DNAJC1: variants seen among roughly 807,000 people sequenced by gnomAD.
DNAJC1 encodes DnaJ heat shock protein family (Hsp40) member C1, also known as dnaJ homolog subfamily C member 1.
Under a neutral mutation model 76.6 loss-of-function variants are expected in DNAJC1, and 58 were observed. That is an observed-to-expected ratio of 0.76 (90% confidence interval 0.61 to 0.94). The LOEUF is 0.94. DNAJC1 is among the 40% of genes least tolerant of loss of function. DNAJC1 has a pLI of 0.00. For missense variants in DNAJC1, 689 were observed against 677.3 expected (o/e 1.02, Z -0.19); for synonymous variants, 258 against 267.9 (o/e 0.96, Z 0.36).
intron 8 of DNAJC1, among the ~76,000 whole-genome samples, chr10:21,870,951 T>G (rs1039926802): frequency 1.4e-5 from 1 of 70,056 alleles, no homozygotes; most frequent in African/African-American, 4.5e-5. Context: ...TTACCAGTAC[T>G]AGAAGGAACA....
Position 21,756,714 on chromosome 10 carries a change from G to C in DNAJC1, c.1638C>G (p.Val546=). ...IARYKLLVEL[V]QKKKQAKS The stretch of plus-strand genomic sequence containing the variant: ...AGCTTTTAGCTTGTTTTTTCTTTTG[G>C]ACCAGTTCAACCAGCAACTTGTACC... Residue 546 remains valine, a synonymous_variant, in exon 12 of 12, where the codon GTC becomes GTG. Transcript: ENST00000376980. 1.2e-6 allele frequency: 2 copies of C among 1,613,378 alleles called. No homozygotes were observed. The highest frequency in any genetic ancestry group is 1.7e-6 in the Non-Finnish European group (2 of 1,179,734).
intron 1 of DNAJC1, among the ~76,000 whole-genome samples, chr10:21,975,416 A>G (rs1838046495): frequency 6.6e-6 from 1 of 152,296 alleles, no homozygotes; most frequent in South Asian, 2.1e-4. Flanking sequence ...TAGCTGGGGG[A>G]AAAAACATGA....
chr10:21,860,420 C>T lies in DNAJC1; in HGVS notation c.978+21862G>A, dbSNP rs201975780. ...TTAAAACTAGAATTCAGGATGGACGCGGTGGCTCATGCCTGTAATCCCAGC... is the reference window on the plus strand; with the variant it reads ...TTAAAACTAGAATTCAGGATGGACGTGGTGGCTCATGCCTGTAATCCCAGC... On this transcript the variant is annotated intron_variant, in intron 8 of 11. Transcript: ENST00000376980. Among the ~76,000 whole-genome samples the T allele has an allele frequency of 3.9e-5, 6 of 152,066 alleles. No individual in the cohort carries two copies. The East Asian group carries it at 9.7e-4, about 25-fold the overall frequency.
At chr10:22,003,187 C>T (rs1442244314) in intron 1 of DNAJC1, 26 bp downstream of exon 1, 1 of 1,498,776 alleles carries the variant, frequency 6.7e-7, no homozygotes, top group African/African-American at 1.4e-5. Context: ...CCCTCTCCGC[C>T]CGGCCCCGCG....
intron 8 of DNAJC1, among the ~76,000 whole-genome samples, chr10:21,834,223 C>T (rs933957784): frequency 6.6e-6 from 1 of 151,786 alleles, no homozygotes; most frequent in Non-Finnish European, 1.5e-5. Context: ...GAGATCGTGC[C>T]ACTGCACTCC....
intron 1 of DNAJC1, among the ~76,000 whole-genome samples, chr10:22,002,744 T>C (rs1289561499): frequency 6.6e-6 from 1 of 151,608 alleles, no homozygotes; most frequent in Admixed American, 6.6e-5. Flanking sequence ...GGGAGGCAGC[T>C]GAAATAAGAA....
chr10:21,991,636 A>AT (rs1838328023), intron 1 of DNAJC1, among the ~76,000 whole-genome samples: 1 of 152,038 alleles, frequency 6.6e-6, no homozygotes, highest in Admixed American at 6.5e-5. Flanking sequence ...ATAATCAGTG[A>AT]TTTTATCCAA....
At chr10:21,812,458 T>C (rs1379978401) in intron 8 of DNAJC1, among the ~76,000 whole-genome samples, 1 of 152,256 alleles carries the variant, frequency 6.6e-6, no homozygotes, top group Admixed American at 6.5e-5. Flanking sequence ...ATTGGTTGTC[T>C]TCTTATTAGT....
At chr10:21,956,272 A>G (rs1352186902) in intron 1 of DNAJC1, among the ~76,000 whole-genome samples, 5 of 152,122 alleles carry the variant, frequency 3.3e-5, no homozygotes, top group Non-Finnish European at 7.3e-5. Context: ...CTGCACTAAC[A>G]CTTTCATGAG....
intron 6 of DNAJC1, among the ~76,000 whole-genome samples, chr10:21,908,285 T>C (rs1184668951): frequency 1.6e-5 from 2 of 124,248 alleles, no homozygotes; most frequent in Non-Finnish European, 3.2e-5. Context: ...TATATATATA[T>C]ATAAGAATTT....
At chr10:21,966,535 A>G (rs1212182197) in intron 1 of DNAJC1, among the ~76,000 whole-genome samples, 1 of 150,544 alleles carries the variant, frequency 6.6e-6, no homozygotes, top group Non-Finnish European at 1.5e-5. Flanking sequence ...TTATTTATTT[A>G]TGTAGGTATA....
intron 7 of DNAJC1, among the ~76,000 whole-genome samples, chr10:21,892,908 G>A (rs993920936): frequency 9.2e-5 from 14 of 151,972 alleles, no homozygotes; most frequent in Non-Finnish European, 1.9e-4. Context: ...CGGAACTGGA[G>A]ACAAATTTAT....
chr10:21,902,696 G>A (rs886324780), intron 7 of DNAJC1, among the ~76,000 whole-genome samples: 6 of 152,130 alleles, frequency 3.9e-5, no homozygotes, highest in African/African-American at 7.2e-5. Context: ...AGTTAACTCC[G>A]AAAGGAGCTT....
chr10:21,925,768 C>G (rs1255301951), intron 3 of DNAJC1, among the ~76,000 whole-genome samples: 1 of 152,162 alleles, frequency 6.6e-6, no homozygotes, highest in Non-Finnish European at 1.5e-5. Context: ...CAGTAATTGC[C>G]TGGAGCTGGA....
At chr10:21,971,119 G>A (rs1837970371) in intron 1 of DNAJC1, among the ~76,000 whole-genome samples, 1 of 151,432 alleles carries the variant, frequency 6.6e-6, no homozygotes, top group Admixed American at 6.6e-5. Flanking sequence ...TTCCTGATAT[G>A]ACACTGGACA....
At chr10:21,809,357 T>C in intron 8 of DNAJC1, among the ~76,000 whole-genome samples, 1 of 151,882 alleles carries the variant, frequency 6.6e-6, no homozygotes, top group East Asian at 1.9e-4. Context: ...TGAGCAATAC[T>C]TCTATTGAAA....
intron 8 of DNAJC1, among the ~76,000 whole-genome samples, chr10:21,821,323 A>G (rs1171996792): frequency 1.4e-4 from 22 of 152,336 alleles, no homozygotes; most frequent in Admixed American, 9.8e-4. Flanking sequence ...GGAATTGTAG[A>G]AAAAAATGCA....
chr10:21,813,704 T>C lies in DNAJC1; in HGVS notation c.979-7605A>G, dbSNP rs188328990. On this transcript the variant is annotated intron_variant, in intron 8 of 11. Transcript: ENST00000376980. ...CGCCCAGCCAGGGCAAACATTCTTA[T>C]TGTCCAGTATAGTGAAGATATTGCC... is the stretch of plus-strand genomic sequence containing the variant. Among the ~76,000 whole-genome samples, 133 of 152,254 alleles carry C rather than the reference T, an allele frequency of 8.7e-4. 1 individual carries two copies. Among genetic ancestry groups the C allele is most frequent in the Non-Finnish European group, 1.4e-3 (98 of 68,018 alleles).
intron 8 of DNAJC1, among the ~76,000 whole-genome samples, chr10:21,822,617 T>C (rs911702685): frequency 4.6e-5 from 7 of 152,148 alleles, no homozygotes; most frequent in South Asian, 2.1e-4. Flanking sequence ...ACCTTAACAA[T>C]TTTAGCCCAA....
Sources: gnomAD v4.1 joint callset for allele counts (sites outside exome capture counted in the v4.1 genomes callset) on GRCh38, gnomAD v4.1.1 for gene constraint, MANE v1.5 for transcripts, NCBI Gene and HGNC (gene_info 2026-07-23, HGNC 2026-07-21) for gene names.